Variants in DPYD observed in about 807,000 individuals in gnomAD.
DPYD encodes dihydropyrimidine dehydrogenase [NADP(+)].
In DPYD, 109 loss-of-function variants were observed where a neutral mutation model predicts 116.2. That is an observed-to-expected ratio of 0.94 (90% CI 0.80 to 1.10). DPYD has a LOEUF of 1.10. DPYD is among the 50% of genes least tolerant of loss of function. The probability of loss-of-function intolerance (pLI) is 0.00; values close to 1 mark genes in which losing one functional copy is unlikely to be tolerated. For synonymous variants in DPYD, 440 were observed against 432.0 expected (o/e 1.02, Z -0.23); for missense variants, 1,302 against 1,254.5 (o/e 1.04, Z -0.57).
At chr1:97,559,117 TTATGAGA>T (rs1288899988) in intron 11 of DPYD, among the ~76,000 whole-genome samples, 2 of 152,148 alleles carry the variant, frequency 1.3e-5, no homozygotes, top group African/African-American at 2.4e-5. Flanking sequence ...TTCTTGATAA[TTATGAGA>T]TAGTGAAAAA....
chr1:97,559,008 T>C (rs1346006865), intron 11 of DPYD, among the ~76,000 whole-genome samples: 2 of 152,292 alleles, frequency 1.3e-5, no homozygotes, highest in East Asian at 3.9e-4. Context: ...AATGATACCA[T>C]CTCTTTAAGA....
intron 18 of DPYD, among the ~76,000 whole-genome samples, chr1:97,255,881 T>C (rs575727114): frequency 3.3e-5 from 5 of 152,082 alleles, no homozygotes; most frequent in South Asian, 4.1e-4. Context: ...GACTATCTCA[T>C]GCTCTAGAAG....
intron 10 of DPYD, among the ~76,000 whole-genome samples, chr1:97,579,258 C>G (rs890527871): frequency 6.6e-6 from 1 of 152,314 alleles, no homozygotes; most frequent in East Asian, 1.9e-4. Flanking sequence ...GATTGGCACA[C>G]AGTAGACCTT....
chr1:97,225,003 G>GTCTGTCTGTCTA (rs906853969), intron 19 of DPYD, among the ~76,000 whole-genome samples: 1 of 127,062 alleles, frequency 7.9e-6, no homozygotes, highest in East Asian at 2.6e-4. Context: ...CTGTCTGTCT[G>GTCTGTCTGTCTA]TCTATCTATC....
intron 8 of DPYD, among the ~76,000 whole-genome samples, chr1:97,598,884 C>A (rs1655063701): frequency 6.6e-6 from 1 of 152,202 alleles, no homozygotes; most frequent in Non-Finnish European, 1.5e-5. Flanking sequence ...GCGCCAATTT[C>A]TAACGTGGAC....
intron 16 of DPYD, among the ~76,000 whole-genome samples, chr1:97,327,527 A>T (rs1317238382): frequency 6.6e-6 from 1 of 152,046 alleles, no homozygotes; most frequent in East Asian, 1.9e-4. Context: ...AAACAACTAA[A>T]TAGAAATAAA....
chr1:97,594,395 A>T (rs1381263204), intron 9 of DPYD, among the ~76,000 whole-genome samples: 2 of 152,180 alleles, frequency 1.3e-5, no homozygotes, highest in Non-Finnish European at 2.9e-5. Context: ...TTTAATATAG[A>T]AAGTTTCTTA....
intron 16 of DPYD, among the ~76,000 whole-genome samples, chr1:97,323,487 A>G (rs1006183757): frequency 8.7e-6 from 1 of 115,068 alleles, no homozygotes; most frequent in South Asian, 2.8e-4. Context: ...ATATACACGT[A>G]TATATACATA....
chr1:97,789,831 C>CT, intron 3 of DPYD, among the ~76,000 whole-genome samples: 1 of 152,326 alleles, frequency 6.6e-6, no homozygotes, highest in South Asian at 2.1e-4. Flanking sequence ...TGCTCAACCT[C>CT]TGAGTACAGC....
At chr1:97,421,095 C>CA (rs1674556555) in intron 14 of DPYD, among the ~76,000 whole-genome samples, 1 of 152,110 alleles carries the variant, frequency 6.6e-6, no homozygotes, top group Non-Finnish European at 1.5e-5. Context: ...TTAGTATCTT[C>CA]ACTAACTTGC....
intron 14 of DPYD, among the ~76,000 whole-genome samples, chr1:97,390,525 T>C (rs1306091406): frequency 6.6e-6 from 1 of 152,040 alleles, no homozygotes; most frequent in Non-Finnish European, 1.5e-5. Context: ...ATATATACAT[T>C]GACTATAAGA....
At chr1:97,826,086 C>T (rs1669231435) in intron 3 of DPYD, among the ~76,000 whole-genome samples, 1 of 152,078 alleles carries the variant, frequency 6.6e-6, no homozygotes, top group South Asian at 2.1e-4. Flanking sequence ...ACATTTCATG[C>T]CATAAAATTA....
At chr1:97,127,723 T>A (rs949209947) in intron 20 of DPYD, among the ~76,000 whole-genome samples, 5 of 152,132 alleles carry the variant, frequency 3.3e-5, no homozygotes, top group East Asian at 1.9e-4. Flanking sequence ...GATTATATAT[T>A]TTTTTAGTTA....
At chr1:97,207,736 C>T (rs971285425) in intron 19 of DPYD, among the ~76,000 whole-genome samples, 46 of 152,186 alleles carry the variant, frequency 3.0e-4, no homozygotes, top group African/African-American at 8.9e-4. Flanking sequence ...AGCCCAGAGA[C>T]GCTAAGGAAA....
chr1:97,250,221 G>C (rs930174487), intron 18 of DPYD, among the ~76,000 whole-genome samples: 1 of 151,906 alleles, frequency 6.6e-6, no homozygotes, highest in East Asian at 1.9e-4. Flanking sequence ...AGTGAGCCGA[G>C]ATCACGCCAT....
intron 14 of DPYD, among the ~76,000 whole-genome samples, chr1:97,418,489 G>A (rs932574176): frequency 5.3e-5 from 8 of 151,818 alleles, no homozygotes; most frequent in Non-Finnish European, 8.8e-5. Context: ...TAGTAGAGAC[G>A]GGGTTTCACC....
chr1:97,800,068 T>C (rs1366015686), intron 3 of DPYD, among the ~76,000 whole-genome samples: 5 of 151,942 alleles, frequency 3.3e-5, no homozygotes, highest in Non-Finnish European at 5.9e-5. Flanking sequence ...TGCCATTTAT[T>C]TTTTGTATAA....
intron 14 of DPYD, among the ~76,000 whole-genome samples, chr1:97,412,327 C>G (rs1043857573): frequency 8.5e-5 from 13 of 152,162 alleles, no homozygotes; most frequent in Non-Finnish European, 1.5e-4. Flanking sequence ...TTCATACTTT[C>G]CAGCTTGCTC....
chr1:97,156,370 G>C (rs1236072624), intron 20 of DPYD, among the ~76,000 whole-genome samples: 1 of 151,906 alleles, frequency 6.6e-6, no homozygotes, highest in Non-Finnish European at 1.5e-5. Flanking sequence ...CTACTCATCT[G>C]ACAAAGGGCT....
Sources: gnomAD v4.1 joint callset for allele counts (sites outside exome capture counted in the v4.1 genomes callset) on GRCh38, gnomAD v4.1.1 for gene constraint, MANE v1.5 for transcripts, NCBI Gene and HGNC (gene_info 2026-07-23, HGNC 2026-07-21) for gene names.